ABCB11: variants seen among roughly 807,000 people sequenced by gnomAD.
ABCB11 encodes ATP binding cassette subfamily B member 11.
Under a neutral mutation model 148.0 loss-of-function variants are expected in ABCB11, and 95 were observed. The observed-to-expected ratio is 0.64, with a 90% CI of 0.54 to 0.76. The LOEUF is 0.76. ABCB11 is among the 30% of genes least tolerant of loss of function. ABCB11 has a pLI of 0.00. For synonymous variants in ABCB11, 591 were observed against 555.4 expected (o/e 1.06, Z -0.90); for missense variants, 1,523 against 1,617.8 (o/e 0.94, Z 1.01).
At chr2:168,932,354 C>G in intron 24 of ABCB11, 23 bp downstream of exon 24, 3 of 1,544,304 alleles carry the variant, frequency 1.9e-6, no homozygotes, top group Non-Finnish European at 2.6e-6. Context: ...TTTTTTATGG[C>G]TGCATAGTAT....
chr2:169,022,193 G>T (rs1358941558), intron 1 of ABCB11, among the ~76,000 whole-genome samples: 1 of 151,782 alleles, frequency 6.6e-6, no homozygotes, highest in African/African-American at 2.4e-5. Flanking sequence ...AGAGATTAAT[G>T]AATGAATTAT....
chr2:169,022,138 G>A (rs917284342), intron 1 of ABCB11, among the ~76,000 whole-genome samples: 1 of 151,728 alleles, frequency 6.6e-6, no homozygotes, highest in Non-Finnish European at 1.5e-5. Context: ...CAGCTAAAAA[G>A]ATACTTCAAG....
intron 5 of ABCB11, among the ~76,000 whole-genome samples, chr2:169,001,475 G>A (rs1163981339): frequency 6.6e-6 from 1 of 152,106 alleles, no homozygotes; most frequent in Non-Finnish European, 1.5e-5. Flanking sequence ...GCAGGTAAGG[G>A]GAGAGGTGCC....
chr2:168,939,954 C>G (rs1691991604), intron 21 of ABCB11, among the ~76,000 whole-genome samples: 1 of 152,054 alleles, frequency 6.6e-6, no homozygotes, highest in Admixed American at 6.6e-5. Flanking sequence ...GCACCACGAA[C>G]CACGCCAATA....
At chr2:168,990,617 C>A (rs77932982) in intron 9 of ABCB11, among the ~76,000 whole-genome samples, 184 bp downstream of exon 9, 1 of 152,060 alleles carries the variant, frequency 6.6e-6, no homozygotes, top group African/African-American at 2.4e-5. Context: ...CTGCTAAAGG[C>A]TTGGGACTTC....
chr2:168,983,606 G>C (rs544189630), intron 10 of ABCB11, among the ~76,000 whole-genome samples: 1 of 152,126 alleles, frequency 6.6e-6, no homozygotes, highest in South Asian at 2.1e-4. Flanking sequence ...GTTGTTCTTT[G>C]TGTATTATCA....
chr2:168,995,329 C>T lies in ABCB11; in HGVS notation c.611+20G>A, dbSNP rs746026887. 2.5e-6 allele frequency: 4 copies of T among 1,607,934 alleles called. No homozygotes were observed. The Admixed American group carries it at 6.7e-5, about 27-fold the overall frequency. On this transcript the variant is annotated intron_variant, in intron 7 of 27. Coordinates refer to ENST00000650372, the MANE Select transcript of ABCB11 (RefSeq NM_003742.4). ...TATCCAAAAATCACACACTAAAATA[C>T]TGTTTTACCAGCTACTTACTCAGAG...
chr2:168,935,130 G>A, intron 23 of ABCB11, 54 bp downstream of exon 23: 1 of 1,604,576 alleles, frequency 6.2e-7, no homozygotes, highest in Non-Finnish European at 8.5e-7. Flanking sequence ...ACAGAACCAG[G>A]CTATTCCTTC....
At chr2:168,940,229 C>T (rs1692001159) in intron 21 of ABCB11, among the ~76,000 whole-genome samples, 1 of 151,938 alleles carries the variant, frequency 6.6e-6, no homozygotes, top group Non-Finnish European at 1.5e-5. Context: ...AAAAGTTAGG[C>T]CTCATTTTAG....
At chr2:169,021,179 T>C (rs1359868431) in intron 1 of ABCB11, among the ~76,000 whole-genome samples, 1 of 152,046 alleles carries the variant, frequency 6.6e-6, no homozygotes, top group Non-Finnish European at 1.5e-5. Context: ...GCCAGGCTGG[T>C]CTCAAACTCC....
chr2:168,955,972 A>T (rs1282733818), intron 19 of ABCB11, among the ~76,000 whole-genome samples: 2 of 151,616 alleles, frequency 1.3e-5, no homozygotes, highest in South Asian at 2.1e-4. Context: ...ATCTTTTTTG[A>T]CACCTTGTCT....
At chr2:168,978,603 G>C (rs1694017587) in intron 11 of ABCB11, among the ~76,000 whole-genome samples, 1 of 152,050 alleles carries the variant, frequency 6.6e-6, no homozygotes, top group African/African-American at 2.4e-5. Flanking sequence ...CAGGTTCAGG[G>C]AGCCCGCAAA....
intron 11 of ABCB11, among the ~76,000 whole-genome samples, chr2:168,978,333 A>G (rs941533214): frequency 2.0e-5 from 3 of 151,582 alleles, no homozygotes; most frequent in Non-Finnish European, 2.9e-5. Context: ...TTTTGTAGAG[A>G]CAGGGTTGCC....
intron 19 of ABCB11, among the ~76,000 whole-genome samples, chr2:168,954,886 C>T (rs1692722443): frequency 6.6e-6 from 1 of 151,638 alleles, no homozygotes; most frequent in African/African-American, 2.4e-5. Context: ...TTTATTTAGT[C>T]CATGTTCAGT....
At chr2:169,027,371 T>TGTG (rs368593008) in intron 1 of ABCB11, among the ~76,000 whole-genome samples, 2 of 152,252 alleles carry the variant, frequency 1.3e-5, no homozygotes, top group African/African-American at 4.8e-5. Context: ...CTAAGTGACA[T>TGTG]GTGGTCTATA....
downstream of ABCB11, among the ~76,000 whole-genome samples, chr2:168,918,277 A>T (rs1690981801): frequency 6.6e-6 from 1 of 152,226 alleles, no homozygotes; most frequent in African/African-American, 2.4e-5. Context: ...AGCACTGGGG[A>T]CATTAAGATG....
chr2:169,006,644 G>C (rs553335002), intron 5 of ABCB11, among the ~76,000 whole-genome samples: 1 of 152,010 alleles, frequency 6.6e-6, no homozygotes, highest in Non-Finnish European at 1.5e-5. Flanking sequence ...AGATGATATG[G>C]TCTTGTATAA....
intron 1 of ABCB11, among the ~76,000 whole-genome samples, chr2:169,022,472 G>GA (rs1695567671): frequency 6.6e-6 from 1 of 151,732 alleles, no homozygotes; most frequent in Non-Finnish European, 1.5e-5. Flanking sequence ...TAATTTTCTA[G>GA]AAAAATATGA....
chr2:168,995,611 C>G, intron 6 of ABCB11, 129 bp from the exon 7 acceptor site: 1 of 979,264 alleles, frequency 1.0e-6, no homozygotes. Flanking sequence ...AATGCCTCTT[C>G]TTGGGAACTA....
Sources: gnomAD v4.1 joint callset for allele counts (sites outside exome capture counted in the v4.1 genomes callset) on GRCh38, gnomAD v4.1.1 for gene constraint, MANE v1.5 for transcripts, NCBI Gene and HGNC (gene_info 2026-07-23, HGNC 2026-07-21) for gene names.